Variants in ADGRL3 observed in about 807,000 individuals in gnomAD.
The protein encoded by ADGRL3 is calcium-independent alpha-latrotoxin receptor 3.
In ADGRL3, 62 loss-of-function variants were observed where a neutral mutation model predicts 153.5. That is an observed-to-expected ratio of 0.40 (90% CI 0.33 to 0.50). ADGRL3 has a LOEUF of 0.50. ADGRL3 is among the 20% of genes least tolerant of loss of function. The pLI, the probability that ADGRL3 is intolerant of heterozygous loss-of-function variation, is 0.47. For missense variants in ADGRL3, 1,641 were observed against 1,859.4 expected (o/e 0.88, Z 2.16); for synonymous variants, 710 against 672.5 (o/e 1.06, Z -0.86).
intron 1 of ADGRL3, among the ~76,000 whole-genome samples, chr4:61,313,171 A>G (rs886676266): frequency 1.3e-5 from 2 of 152,228 alleles, no homozygotes; most frequent in Admixed American, 6.5e-5. Flanking sequence ...GTGTGATTTT[A>G]CAATATGACA....
intron 3 of ADGRL3, among the ~76,000 whole-genome samples, chr4:61,499,313 A>G (rs1312492555): frequency 6.6e-6 from 1 of 152,226 alleles, no homozygotes; most frequent in Non-Finnish European, 1.5e-5. Context: ...AATCTCAACC[A>G]TCTTGTTTTA....
chr4:62,071,154 CATTAT>C lies in ADGRL3; in HGVS notation c.*247_*251del. ...TCCTTTCCCCTTCAGATGGAGACTT[CATTAT>C]GTTAATGAACAAGATATGAAGAAAA... is the stretch of plus-strand genomic sequence containing the variant. On this transcript the variant is annotated 3_prime_UTR_variant, in exon 27 of 27. Coordinates refer to ENST00000683033, the MANE Select transcript of ADGRL3 (RefSeq NM_001387552.1). The C allele has an allele frequency of 5.0e-6, 2 of 401,104 alleles. No homozygotes were observed. Among genetic ancestry groups the C allele is most frequent in the Non-Finnish European group, 8.9e-6 (2 of 224,598 alleles). The allele number at this position is 401,104 out of a possible 1,614,324, so 24.8% of individuals were successfully genotyped here.
chr4:61,759,095 T>C (rs969294348), intron 8 of ADGRL3, among the ~76,000 whole-genome samples: 12 of 152,134 alleles, frequency 7.9e-5, no homozygotes, highest in Admixed American at 2.6e-4. Context: ...CTGCCTTTCT[T>C]TCTGGCTGCC....
rs531185201 is a variant in ADGRL3, at chr4:61,647,202, G to C, written c.474-29624G>C. Reference sequence around the variant, plus strand: ...TGGCACTCCCTAGTGAGATGAACCCGGTACCTCAGATGGAAATGCAGAAAT... The same window carrying C: ...TGGCACTCCCTAGTGAGATGAACCCCGTACCTCAGATGGAAATGCAGAAAT... On this transcript the variant is annotated intron_variant, in intron 5 of 26. Transcript: ENST00000683033. Among the ~76,000 whole-genome samples the C allele has an allele frequency of 2.1e-3, 314 of 152,166 alleles. 3 individuals are homozygous for C. Among genetic ancestry groups the C allele is most frequent in the African/African-American group, 7.2e-3 (300 of 41,530 alleles).
chr4:61,518,318 G>T (rs186611824), intron 4 of ADGRL3, among the ~76,000 whole-genome samples: 1 of 152,230 alleles, frequency 6.6e-6, no homozygotes, highest in African/African-American at 2.4e-5. Context: ...GAAGCATTTG[G>T]CTAGTGGAAC....
At chr4:61,698,616 AT>A (rs2095688106) in intron 6 of ADGRL3, among the ~76,000 whole-genome samples, 1 of 152,188 alleles carries the variant, frequency 6.6e-6, no homozygotes. Flanking sequence ...TTTTAATTCC[AT>A]TAATTATACA....
chr4:61,932,073 G>A (rs192344919), intron 13 of ADGRL3, among the ~76,000 whole-genome samples: 4 of 151,710 alleles, frequency 2.6e-5, no homozygotes, highest in African/African-American at 9.7e-5. Flanking sequence ...AGTCTTTTAT[G>A]TATATATATA....
At chr4:61,537,171 A>T (rs1337721470) in intron 4 of ADGRL3, among the ~76,000 whole-genome samples, 38 of 146,610 alleles carry the variant, frequency 2.6e-4, no homozygotes, top group Admixed American at 2.7e-4. Context: ...CTTGCCTTGC[A>T]TTTTTTTTTT....
At chr4:61,212,635 A>G (rs1459207835) in intron 1 of ADGRL3, among the ~76,000 whole-genome samples, 1 of 152,160 alleles carries the variant, frequency 6.6e-6, no homozygotes, top group Non-Finnish European at 1.5e-5. Context: ...TTTACTTTTC[A>G]TGTATTCAAA....
intron 2 of ADGRL3, among the ~76,000 whole-genome samples, chr4:61,471,482 G>A (rs950046829): frequency 6.6e-6 from 1 of 151,654 alleles, no homozygotes; most frequent in African/African-American, 2.4e-5. Flanking sequence ...CTTGTAGGCA[G>A]TATATCATAG....
chr4:61,335,703 G>T (rs2095660912), intron 1 of ADGRL3, among the ~76,000 whole-genome samples: 1 of 152,152 alleles, frequency 6.6e-6, no homozygotes, highest in Non-Finnish European at 1.5e-5. Context: ...CAGGGTGCCT[G>T]CACTTATATA....
At chr4:61,839,074 C>T (rs1159995009) in intron 9 of ADGRL3, among the ~76,000 whole-genome samples, 1 of 151,962 alleles carries the variant, frequency 6.6e-6, no homozygotes, top group African/African-American at 2.4e-5. Context: ...AGAAAGGGAG[C>T]GTGTACTGGA....
intron 8 of ADGRL3, among the ~76,000 whole-genome samples, chr4:61,747,992 T>A (rs2096692996): frequency 6.6e-6 from 1 of 152,046 alleles, no homozygotes; most frequent in African/African-American, 2.4e-5. Context: ...CTTAAGCTGA[T>A]AAGCAACTTC....
intron 9 of ADGRL3, among the ~76,000 whole-genome samples, chr4:61,869,960 A>AAAAAAAAAGAG (rs1554051477): frequency 9.8e-6 from 1 of 101,866 alleles, no homozygotes; most frequent in East Asian, 2.6e-4. Flanking sequence ...AAAAAAAAAA[A>AAAAAAAAAGAG]AGAGAGAGAG....
chr4:61,353,773 C>T (rs1420682698), intron 1 of ADGRL3, among the ~76,000 whole-genome samples: 1 of 149,532 alleles, frequency 6.7e-6, no homozygotes, highest in East Asian at 2.0e-4. Flanking sequence ...ATTTCAGCTT[C>T]TACTCACCCC....
At chr4:61,928,559 G>A (rs1256230829) in intron 13 of ADGRL3, among the ~76,000 whole-genome samples, 3 of 152,048 alleles carry the variant, frequency 2.0e-5, no homozygotes, top group East Asian at 1.9e-4. Context: ...CACATAATAC[G>A]TATCTAATGA....
At chr4:61,245,528 A>G (rs932710129) in intron 1 of ADGRL3, among the ~76,000 whole-genome samples, 10 of 151,960 alleles carry the variant, frequency 6.6e-5, no homozygotes, top group Admixed American at 5.9e-4. Context: ...AGGCATTGTC[A>G]TTATTGTTTA....
intron 21 of ADGRL3, among the ~76,000 whole-genome samples, chr4:62,022,230 C>T (rs541594430): frequency 6.6e-6 from 1 of 152,144 alleles, no homozygotes; most frequent in African/African-American, 2.4e-5. Flanking sequence ...TAAAGCCAAG[C>T]CTAATCCAGT....
chr4:61,915,790 A>C (rs2098742548), intron 13 of ADGRL3, among the ~76,000 whole-genome samples: 1 of 152,126 alleles, frequency 6.6e-6, no homozygotes, highest in Admixed American at 6.5e-5. Flanking sequence ...GACTTGTTTT[A>C]TGTGTCCTAT....
Sources: gnomAD v4.1 joint callset for allele counts (sites outside exome capture counted in the v4.1 genomes callset) on GRCh38, gnomAD v4.1.1 for gene constraint, MANE v1.5 for transcripts, NCBI Gene and HGNC (gene_info 2026-07-23, HGNC 2026-07-21) for gene names.